Variants in CERS4 observed in about 807,000 individuals in gnomAD.
The protein encoded by CERS4 is LAG1 homolog, ceramide synthase 4.
CERS4 carries 65 observed loss-of-function variants against 51.8 expected under a neutral mutation model. That is an observed-to-expected ratio of 1.26 (90% CI 1.03 to 1.54). CERS4 has a LOEUF of 1.54. Among genes scored for constraint, CERS4 ranks in the 40% most tolerant of loss-of-function variants. CERS4 has a pLI of 0.00. For synonymous variants in CERS4, 228 were observed against 208.4 expected, an observed-to-expected ratio of 1.09 and a Z score of -0.81; for missense variants, 563 against 500.4, an observed-to-expected ratio of 1.13 and a Z score of -1.19.
chr19:8,218,057 C>T (rs574718976), intron 2 of CERS4, among the ~76,000 whole-genome samples: 2 of 152,094 alleles, frequency 1.3e-5, no homozygotes, highest in East Asian at 1.9e-4. Context: ...CTTTGCCTCC[C>T]GGGTTCAAGC....
At chr19:8,257,755 G>GA in intron 9 of CERS4, 124 bp from the exon 10 acceptor site, 1 of 716,878 alleles carries the variant, frequency 1.4e-6, no homozygotes, top group South Asian at 1.6e-5. Flanking sequence ...TACCTTTCCT[G>GA]AAAAGGTAGG....
Position 8,261,863 on chromosome 19 carries a change from G to T in CERS4, c.1005+19G>T. The stretch of plus-strand genomic sequence containing the variant: ...GGGCCAGGTATGGCTGGACCTCCCC[G>T]GGGGCCCCAGCCCTAAGCTCCTCCT... On this transcript the variant is annotated intron_variant, in intron 11 of 11. Coordinates refer to ENST00000251363, the MANE Select transcript of CERS4 (RefSeq NM_024552.3). 6.2e-7 allele frequency: 1 copy of T among 1,613,494 alleles called. No individual in the cohort carries two copies. Among genetic ancestry groups the T allele is most frequent in the Non-Finnish European group, 8.5e-7 (1 of 1,179,640 alleles).
In CERS4 at chr19:8,257,139, G is replaced by A. The variant is rs568303934; in HGVS notation, c.741+62G>A. 79 of 1,510,658 alleles carry A rather than the reference G, an allele frequency of 5.2e-5. No homozygotes were observed. The African/African-American group carries it at 1.0e-3, about 19-fold the overall frequency. The allele number at this position is 1,510,658 out of a possible 1,614,324, so 93.6% of individuals were successfully genotyped here. On this transcript the variant is annotated intron_variant, in intron 9 of 11. Transcript: ENST00000251363. ...GTACCCAGCCCTCCCAGGTGCCCCA[G>A]AGATGAGGTCCCATTCCTCCCAACC...
At position 8,210,517 on chromosome 19, in the gene CERS4, A is replaced by G. The variant is rs1397245108; in HGVS notation, c.-158-189A>G. 6.6e-6 allele frequency among the ~76,000 whole-genome samples: 1 copy of G among 152,036 alleles called. No individual in the cohort carries two copies. The highest frequency in any genetic ancestry group is 1.5e-5 in the Non-Finnish European group (1 of 68,004). On this transcript the variant is annotated intron_variant, in intron 1 of 11. Transcript: ENST00000251363. The surrounding 1 kb of genome is among the most constrained non-coding windows in gnomAD (Gnocchi z 4.2). ...GAGGCTGTTGTGGTTTGCAAAACCT[A>G]CCAGATGGGGGAATGCTCCCATCGA...
intron 2 of CERS4, among the ~76,000 whole-genome samples, chr19:8,218,759 C>A (rs1424301354): frequency 1.3e-5 from 2 of 152,188 alleles, no homozygotes; most frequent in Non-Finnish European, 2.9e-5. Context: ...TACACAAACA[C>A]CTCCGGTCCT....
intron 2 of CERS4, among the ~76,000 whole-genome samples, chr19:8,230,177 G>A (rs1273885931): frequency 6.6e-6 from 1 of 151,670 alleles, no homozygotes; most frequent in African/African-American, 2.4e-5. Flanking sequence ...ATGCAAGTTA[G>A]ACCTTTTTTT....
chr19:8,229,986 A>T (rs1267155149), intron 2 of CERS4, among the ~76,000 whole-genome samples: 1 of 152,050 alleles, frequency 6.6e-6, no homozygotes, highest in Non-Finnish European at 1.5e-5. Flanking sequence ...TCAGCCTCCC[A>T]AAGTGCTGGG....
At chr19:8,258,773 C>A (rs577488140) in intron 10 of CERS4, among the ~76,000 whole-genome samples, 1 of 152,086 alleles carries the variant, frequency 6.6e-6, no homozygotes, top group Non-Finnish European at 1.5e-5. Context: ...ACCCAGAAGG[C>A]AGAGGCTACA....
chr19:8,259,139 A>T (rs994439825), intron 10 of CERS4, among the ~76,000 whole-genome samples: 4 of 151,936 alleles, frequency 2.6e-5, no homozygotes, highest in African/African-American at 4.8e-5. Flanking sequence ...GTCTCTAAAT[A>T]AAAAAAAGTC....
intron 9 of CERS4, 100 bp from the exon 10 acceptor site, chr19:8,257,779 C>T: frequency 2.4e-6 from 2 of 849,912 alleles, no homozygotes; most frequent in Non-Finnish European, 3.9e-6. Context: ...TTCCTGGAAA[C>T]AAGGCCCCAC....
rs555893387 is a variant in CERS4, at chr19:8,238,037, T to TC, written c.-1-13031dup. On this transcript the variant is annotated intron_variant, in intron 2 of 11. Coordinates refer to ENST00000251363, the MANE Select transcript of CERS4 (RefSeq NM_024552.3). ...TGTGCGAGTAACAATCAGATGGTAA[T>TC]CCCCCCCCACAATCCCTGCTCCACT... is the stretch of plus-strand genomic sequence containing the variant. Among the ~76,000 whole-genome samples the TC allele has an allele frequency of 4.8e-3, 730 of 150,766 alleles. 5 individuals carry two copies. Among genetic ancestry groups the TC allele is most frequent in the Non-Finnish European group, 8.2e-3 (555 of 67,868 alleles).
At chr19:8,213,452 C>A (rs973756868) in intron 2 of CERS4, among the ~76,000 whole-genome samples, 3 of 152,136 alleles carry the variant, frequency 2.0e-5, no homozygotes, top group Admixed American at 2.0e-4. Context: ...GCATGCACCA[C>A]CAGGCCTAGC....
Position 8,250,078 on chromosome 19 carries a change from G to A in CERS4, c.-1-998G>A, listed in dbSNP as rs549015573. On this transcript the variant is annotated intron_variant, in intron 2 of 11. Transcript: ENST00000251363. ...CAACCTCCTCCTCCCGGGTTCAAGC[G>A]ATTCTCCTGCCTCAGCCTCCTGAGC... Among the ~76,000 whole-genome samples, 409 of 151,548 alleles carry A rather than the reference G, an allele frequency of 2.7e-3. 1 individual carries two copies. The highest frequency in any genetic ancestry group is 6.2e-3 in the Admixed American group (94 of 15,230).
chr19:8,229,742 T>C (rs970741371), intron 2 of CERS4, among the ~76,000 whole-genome samples: 5 of 152,046 alleles, frequency 3.3e-5, no homozygotes, highest in Non-Finnish European at 5.9e-5. Flanking sequence ...GGTCTCACTC[T>C]GTCAGACAGG....
intron 2 of CERS4, among the ~76,000 whole-genome samples, chr19:8,223,869 C>A (rs1022019306): frequency 1.3e-5 from 2 of 151,640 alleles, no homozygotes; most frequent in African/African-American, 4.8e-5. Flanking sequence ...GAGACCGAGG[C>A]GGGCGGATCA....
rs1376361428 is a variant in CERS4, at chr19:8,237,787, C to A, written c.-1-13289C>A. On this transcript the variant is annotated intron_variant, in intron 2 of 11. Coordinates refer to ENST00000251363, the MANE Select transcript of CERS4 (RefSeq NM_024552.3). Reference sequence around the variant, plus strand: ...AATGGCGTGAACCCGGGAGGTGGAGCTTGCAGTGAGCCGAGATTGCGCCAC... The same window carrying A: ...AATGGCGTGAACCCGGGAGGTGGAGATTGCAGTGAGCCGAGATTGCGCCAC... 2.6e-5 allele frequency among the ~76,000 whole-genome samples: 4 copies of A among 151,568 alleles called. No individual in the cohort carries two copies. The South Asian group carries it at 8.4e-4, about 32-fold the overall frequency.
chr19:8,216,380 GAAAAAAA>G (rs911060272), intron 2 of CERS4, among the ~76,000 whole-genome samples: 1 of 127,798 alleles, frequency 7.8e-6, no homozygotes, highest in Non-Finnish European at 1.7e-5. Context: ...TTTTGTCTTG[GAAAAAAA>G]AAAAAAAAGA....
chr19:8,250,751 G>T, intron 2 of CERS4: 1 of 1,000,782 alleles, frequency 1.0e-6, no homozygotes. Context: ...AACTGCGCCC[G>T]GCCTACTACT....
At chr19:8,221,949 G>C (rs558326629) in intron 2 of CERS4, among the ~76,000 whole-genome samples, 1 of 115,568 alleles carries the variant, frequency 8.7e-6, no homozygotes, top group South Asian at 3.0e-4. Flanking sequence ...TGGCATGATC[G>C]TGGCTCACTG....
Sources: allele counts gnomAD v4.1 joint callset (sites outside exome capture counted in the v4.1 genomes callset), GRCh38; gene constraint gnomAD v4.1.1; non-coding constraint Gnocchi (gnomAD v3.1); transcripts MANE v1.5; gene names NCBI Gene and HGNC (gene_info 2026-07-23, HGNC 2026-07-21).